Variants in FRAS1 observed in about 807,000 individuals in gnomAD.
FRAS1 encodes the protein extracellular matrix organizing protein FRAS1.
Under a neutral mutation model 435.2 loss-of-function variants are expected in FRAS1, and 290 were observed. That is an observed-to-expected ratio of 0.67 (90% CI 0.61 to 0.73). The LOEUF (loss-of-function observed/expected upper bound fraction) is 0.73, where lower values mean the gene tolerates loss of function less well. FRAS1 is among the 30% of genes least tolerant of loss of function. FRAS1 has a pLI of 0.00. For synonymous variants in FRAS1, 1,800 were observed against 1,851.0 expected (o/e 0.97, Z 0.71); for missense variants, 4,860 against 5,001.5 (o/e 0.97, Z 0.85).
chr4:78,433,630 C>G (rs150017862), intron 38 of FRAS1, among the ~76,000 whole-genome samples: 119 of 152,320 alleles, frequency 7.8e-4, no homozygotes, highest in African/African-American at 2.6e-3. Context: ...GCATTCCACC[C>G]TAATTCTTCT....
intron 59 of FRAS1, 83 bp downstream of exon 59, chr4:78,489,163 A>G: frequency 7.5e-7 from 1 of 1,340,692 alleles, no homozygotes; most frequent in South Asian, 1.4e-5. Context: ...TATAAATTCC[A>G]AAAATTCTCA....
intron 9 of FRAS1, among the ~76,000 whole-genome samples, chr4:78,272,792 C>A (rs1019575721): frequency 6.6e-6 from 1 of 152,102 alleles, no homozygotes; most frequent in Non-Finnish European, 1.5e-5. Context: ...CTTGGCAATG[C>A]AGGCTCTTTT....
intron 2 of FRAS1, among the ~76,000 whole-genome samples, chr4:78,114,760 C>T (rs1740457901): frequency 6.6e-6 from 1 of 152,250 alleles, no homozygotes; most frequent in African/African-American, 2.4e-5. Context: ...GATATACAGT[C>T]ATGTCATCTG....
chr4:78,536,881 A>G (rs1721899767), intron 71 of FRAS1, 114 bp from the exon 72 acceptor site: 1 of 716,478 alleles, frequency 1.4e-6, no homozygotes, highest in African/African-American at 1.8e-5. Flanking sequence ...GGAGCTCTTC[A>G]TAGAAAAGTG....
At chr4:78,300,999 T>C (rs1728366315) in intron 14 of FRAS1, among the ~76,000 whole-genome samples, 1 of 152,132 alleles carries the variant, frequency 6.6e-6, no homozygotes. Context: ...CCTACCTTTT[T>C]TGGGGAGAAA....
At chr4:78,183,960 T>C (rs1722164375) in intron 2 of FRAS1, among the ~76,000 whole-genome samples, 1 of 152,162 alleles carries the variant, frequency 6.6e-6, no homozygotes, top group African/African-American at 2.4e-5. Flanking sequence ...AAGACAGCTC[T>C]TCCTGGTCAA....
chr4:78,183,433 C>T (rs1457170624), intron 2 of FRAS1, among the ~76,000 whole-genome samples: 6 of 152,204 alleles, frequency 3.9e-5, no homozygotes, highest in African/African-American at 1.2e-4. Flanking sequence ...CCGGAAACCA[C>T]ACCACCTATG....
At chr4:78,388,107 C>T (rs1578291913) in intron 29 of FRAS1, among the ~76,000 whole-genome samples, 1 of 151,922 alleles carries the variant, frequency 6.6e-6, no homozygotes, top group Non-Finnish European at 1.5e-5. Context: ...GGGTGGATCA[C>T]GAGGTCAGGA....
At chr4:78,278,014 T>A (rs1727144187) in intron 9 of FRAS1, among the ~76,000 whole-genome samples, 1 of 152,114 alleles carries the variant, frequency 6.6e-6, no homozygotes, top group Non-Finnish European at 1.5e-5. Flanking sequence ...GGTTTCACTG[T>A]GGTCTCGATC....
chr4:78,409,810 A>C (rs1181343042), intron 31 of FRAS1, among the ~76,000 whole-genome samples: 1 of 152,204 alleles, frequency 6.6e-6, no homozygotes, highest in Non-Finnish European at 1.5e-5. Flanking sequence ...CTAGGAATCC[A>C]GGTGGGGCTG....
chr4:78,081,744 C>T (rs965309545), intron 2 of FRAS1, among the ~76,000 whole-genome samples: 1 of 152,088 alleles, frequency 6.6e-6, no homozygotes, highest in East Asian at 1.9e-4. Context: ...AAGTCCAGGC[C>T]TGAGCAGCTG....
Position 78,521,687 on chromosome 4 carries a change from A to G in FRAS1, c.10648+57A>G. The G allele has an allele frequency of 4.6e-6, 5 of 1,083,666 alleles. No homozygotes were observed. The South Asian group carries it at 6.8e-5, about 15-fold the overall frequency. The allele number at this position is 1,083,666 out of a possible 1,614,324, so 67.1% of individuals were successfully genotyped here. ...TTTTATTAAGAAACATTTCACACAT[A>G]CAGAAAGTTGAAAGAATAGAACAGT... On this transcript the variant is annotated intron_variant, in intron 68 of 73. Coordinates refer to ENST00000512123, the MANE Select transcript of FRAS1 (RefSeq NM_025074.7).
At chr4:78,077,362 C>A (rs1166095987) in intron 2 of FRAS1, among the ~76,000 whole-genome samples, 1 of 152,034 alleles carries the variant, frequency 6.6e-6, no homozygotes. Flanking sequence ...AGACGGAGAC[C>A]CTGTCTCAAA....
At chr4:78,101,236 A>T (rs6851244) in intron 2 of FRAS1, among the ~76,000 whole-genome samples, 32,922 of 151,740 alleles carry the variant, frequency 0.22, 3,890 homozygotes, top group Admixed American at 0.29. Flanking sequence ...TAAAAAAAAA[A>T]TGTGAAGGGA....
Position 78,508,948 on chromosome 4 carries a change from C to T in FRAS1, c.9722C>T (p.Ala3241Val). The T allele has an allele frequency of 6.2e-7, 1 of 1,613,944 alleles. No individual in the cohort carries two copies. ...EVAAPTDGNGARSPFETITDN... is the reference protein window; with the variant it reads ...EVAAPTDGNGVRSPFETITDN... Reference sequence around the variant, plus strand: ...GCTGCCCCCACTGATGGCAATGGGGCCCGGTCTCCCTTTGAAACCATCACT... The same window carrying T: ...GCTGCCCCCACTGATGGCAATGGGGTCCGGTCTCCCTTTGAAACCATCACT... Residue 3241 changes from alanine to valine, a missense_variant, in exon 63 of 74, where the codon GCC becomes GTC. Coordinates refer to ENST00000512123, the MANE Select transcript of FRAS1 (RefSeq NM_025074.7).
chr4:78,214,642 A>G (rs1412268059), intron 2 of FRAS1, among the ~76,000 whole-genome samples: 1 of 152,222 alleles, frequency 6.6e-6, no homozygotes, highest in African/African-American at 2.4e-5. Flanking sequence ...TTTTGATTTT[A>G]CAGCAGAAAT....
In FRAS1 at chr4:78,507,600, C is replaced by A. The variant is rs761665463; in HGVS notation, c.9496C>A (p.Pro3166Thr). ...AGCAGGGAGCCTCATATTGCCAGCA[C>A]CACCCATTGTGAGTTGCTTGACCCA... ...EAAGSLILPAPPIVVTLADYD... is the reference protein window; with the variant it reads ...EAAGSLILPATPIVVTLADYD... Residue 3166 changes from proline to threonine, a missense_variant, in exon 62 of 74, where the codon CCA (proline) becomes ACA (threonine). Transcript: ENST00000512123. 9 of 1,591,836 alleles carry A rather than the reference C, an allele frequency of 5.7e-6. No homozygotes were observed. The South Asian group carries it at 9.3e-5, about 16-fold the overall frequency.
At chr4:78,071,887 T>C (rs1740369735) in intron 2 of FRAS1, 1 of 152,232 alleles carries the variant, frequency 6.6e-6, no homozygotes, top group African/African-American at 2.4e-5. Context: ...GGAGTACTTT[T>C]AGCAGTTGTG....
At chr4:78,342,957 G>C (rs1973256) in intron 20 of FRAS1, among the ~76,000 whole-genome samples, 15,585 of 152,212 alleles carry the variant, frequency 0.1, 898 homozygotes, top group African/African-American at 0.15. Context: ...GTGTGAGAAT[G>C]TGAGCAAAAG....
Sources: allele counts gnomAD v4.1 joint callset (sites outside exome capture counted in the v4.1 genomes callset), GRCh38; gene constraint gnomAD v4.1.1; transcripts MANE v1.5; gene names NCBI Gene and HGNC (gene_info 2026-07-23, HGNC 2026-07-21).